CCNL2: variants seen among roughly 807,000 people sequenced by gnomAD.
CCNL2 encodes cyclin-L2.
A neutral mutation model predicts 59.1 loss-of-function variants in CCNL2; 28 were observed. That is an observed-to-expected ratio of 0.47 (90% CI 0.35 to 0.65). The LOEUF (loss-of-function observed/expected upper bound fraction) is 0.65. Ranked by LOEUF, CCNL2 falls within the 30% of genes least tolerant of loss-of-function variation. The pLI is 0.00. For synonymous variants in CCNL2, 342 were observed against 288.6 expected (o/e 1.19, Z -1.88); for missense variants, 714 against 717.4 (o/e 1.00, Z 0.05).
At chr1:1,388,366 C>T (rs1185197433) in intron 8 of CCNL2, 23 of 403,390 alleles carry the variant, frequency 5.7e-5, no homozygotes, top group South Asian at 4.1e-4. Context: ...ACTAAAACTA[C>T]AAAAATTAGC....
chr1:1,385,974 G>GT lies in CCNL2; in HGVS notation c.*1256dup, dbSNP rs1644441913. 6.6e-6 allele frequency: 1 copy of GT among 152,106 alleles called. No homozygotes were observed. Among genetic ancestry groups the GT allele is most frequent in the Admixed American group, 6.5e-5 (1 of 15,270 alleles). The allele number at this position is 152,106 out of a possible 1,614,324, so 9.4% of individuals were successfully genotyped here. A position where few individuals can be genotyped will look rare whatever the true frequency, so the allele number is the denominator to read the frequency against. On this transcript the variant is annotated 3_prime_UTR_variant, in exon 11 of 11. Transcript: ENST00000400809. ...GATTCCATCAAAAAAGTCATCAGGC[G>GT]TAACTCCCCGTTATCCCACTAGCCC...
At position 1,387,350 on chromosome 1, in the gene CCNL2, T is replaced by C; in HGVS notation, c.1444A>G (p.Lys482Glu). The stretch of plus-strand genomic sequence containing the variant: ...TAGTAATGACTTTTCTTCTTGTATT[T>C]TCCCGGATTATCCGCCCGCTCCCGT... Reference protein sequence around the residue: ...RSRERADNPGKYKKKSHYYRD... With the variant: ...RSRERADNPGEYKKKSHYYRD... The change falls in exon 11 of 11, where the codon AAA (lysine) becomes GAA (glutamate). Residue 482 changes from lysine to glutamate, a missense_variant. Lys to Glu is a moderately conservative substitution (Grantham distance 56). Coordinates refer to ENST00000400809, the MANE Select transcript of CCNL2 (RefSeq NM_030937.6). 5.6e-6 allele frequency: 9 copies of C among 1,614,198 alleles called. No individual in the cohort carries two copies. The highest frequency in any genetic ancestry group is 7.6e-6 in the Non-Finnish European group (9 of 1,180,048).
chr1:1,393,426 TCA>T lies in CCNL2; in HGVS notation c.627_628del (p.Cys209Ter). On this transcript the variant is annotated stop_gained and frameshift_variant, in exon 5 of 11. Coordinates refer to ENST00000400809, the MANE Select transcript of CCNL2 (RefSeq NM_030937.6). LOFTEE classifies it high-confidence loss of function. The stretch of plus-strand genomic sequence containing the variant: ...GGTCTGGACCAGGTGTTGGTTACGC[TCA>T]CACTCTAACACCTGAAGGTACATAA... 6.2e-7 allele frequency: 1 copy of T among 1,614,114 alleles called. No individual in the cohort carries two copies. Among genetic ancestry groups the T allele is most frequent in the Non-Finnish European group, 8.5e-7 (1 of 1,179,972 alleles).
Position 1,390,757 on chromosome 1 carries a change from C to T in CCNL2, c.759+9G>A, listed in dbSNP as rs1197717621. The stretch of plus-strand genomic sequence containing the variant: ...GACTAGAATCTCTCCATAGTAGCAA[C>T]ACACTGACCTCCAGCGTCCGGGCAG... On this transcript the variant is annotated intron_variant, in intron 6 of 10. Transcript: ENST00000400809. The T allele has an allele frequency of 3.7e-6, 6 of 1,612,380 alleles. No individual in the cohort carries two copies. The highest frequency in any genetic ancestry group is 5.1e-6 in the Non-Finnish European group (6 of 1,178,508).
intron 3 of CCNL2, among the ~76,000 whole-genome samples, chr1:1,397,560 CCTACAA>C (rs1328361876): frequency 6.6e-6 from 1 of 152,140 alleles, no homozygotes; most frequent in East Asian, 1.9e-4. Context: ...AGGAGAATCC[CCTACAA>C]CTAAAGATTA....
intron 3 of CCNL2, among the ~76,000 whole-genome samples, chr1:1,397,653 G>A (rs1023291509): frequency 2.0e-5 from 3 of 152,136 alleles, no homozygotes; most frequent in Non-Finnish European, 2.9e-5. Context: ...TTGGAGCCCA[G>A]GAATTTGAGA....
At chr1:1,396,377 C>T (rs1645022419) in intron 3 of CCNL2, among the ~76,000 whole-genome samples, 1 of 149,638 alleles carries the variant, frequency 6.7e-6, no homozygotes, top group Non-Finnish European at 1.5e-5. Context: ...AGCAATTCTC[C>T]TGCCTCAGCC....
chr1:1,398,451 GAA>G, intron 2 of CCNL2, 109 bp from the exon 3 acceptor site: 1 of 1,557,976 alleles, frequency 6.4e-7, no homozygotes, highest in Admixed American at 2.0e-5. Context: ...GCACCCAGGG[GAA>G]AAAAAAAGTC....
rs943146985 is a variant in CCNL2, at chr1:1,386,240, G to A, written c.*991C>T. On this transcript the variant is annotated 3_prime_UTR_variant, in exon 11 of 11. Transcript: ENST00000400809. ...CCCCCTCAGGAACGAGAGCACCTTG[G>A]AATCATTCTGTGTTTCCAAAACTTC... is the stretch of plus-strand genomic sequence containing the variant. The A allele has an allele frequency of 1.3e-5, 2 of 152,254 alleles. No homozygotes were observed. Among genetic ancestry groups the A allele is most frequent in the African/African-American group, 4.8e-5 (2 of 41,450 alleles). The allele number at this position is 152,254 out of a possible 1,614,324, so 9.4% of individuals were successfully genotyped here.
At chr1:1,396,602 CAG>C (rs1297389669) in intron 3 of CCNL2, among the ~76,000 whole-genome samples, 11 of 68,880 alleles carry the variant, frequency 1.6e-4, no homozygotes, top group African/African-American at 5.1e-4. Context: ...TTTTTTGAGA[CAG>C]AGTTTCACTT....
chr1:1,391,006 T>C (rs1017277676), intron 5 of CCNL2, 141 bp from the exon 6 acceptor site: 3 of 872,452 alleles, frequency 3.4e-6, no homozygotes, highest in Admixed American at 5.8e-5. Context: ...GACAGTCCTG[T>C]GAATCTCAAG....
At chr1:1,395,711 G>T (rs1401882675) in intron 3 of CCNL2, among the ~76,000 whole-genome samples, 197 bp from the exon 4 acceptor site, 3 of 151,984 alleles carry the variant, frequency 2.0e-5, no homozygotes, top group African/African-American at 7.3e-5. Flanking sequence ...CCTTCCCAAC[G>T]ATCCCTCCCT....
At chr1:1,392,544 A>G in intron 5 of CCNL2, 1 of 1,383,214 alleles carries the variant, frequency 7.2e-7, no homozygotes, top group South Asian at 1.8e-5. Context: ...AGCAGTTTTA[A>G]AGGGACAAAA....
Position 1,395,451 on chromosome 1 carries a change from C to A in CCNL2, c.537G>T (p.Ala179=), listed in dbSNP as rs748075018. ...YVNLKNQIIK[A]ERRVLKELGF... ...CCAACTCTTTGAGAACTCGTCTTTC[C>A]GCCTTTATAATTTGGTTCTTTAAAT... is the stretch of plus-strand genomic sequence containing the variant. Residue 179 remains alanine (A), a synonymous_variant, in exon 4 of 11, where the codon GCG becomes GCT. Transcript: ENST00000400809. The A allele has an allele frequency of 5.6e-6, 9 of 1,614,132 alleles. No individual in the cohort carries two copies. In the South Asian group the frequency reaches 9.9e-5, roughly 18 times the overall value.
intron 8 of CCNL2, chr1:1,388,969 G>A: frequency 1.3e-5 from 3 of 229,590 alleles, no homozygotes; most frequent in Admixed American, 5.6e-5. Flanking sequence ...CAGCTACTTG[G>A]GAGGCTGAGG....
At position 1,396,014 on chromosome 1, in the gene CCNL2, T is replaced by TA. The variant is rs894271993; in HGVS notation, c.474-501dup. 5.3e-5 allele frequency among the ~76,000 whole-genome samples: 8 copies of TA among 151,064 alleles called. No homozygotes were observed. The East Asian group carries it at 1.2e-3, about 22-fold the overall frequency. ...CAACATGGTGAAACCCTGTCTCTAC[T>TA]AAAAAAATGCAAAAATTAGCCGGGC... On this transcript the variant is annotated intron_variant, in intron 3 of 10. Transcript: ENST00000400809.
chr1:1,387,710 G>T, intron 10 of CCNL2, 67 bp downstream of exon 10: 1 of 1,470,440 alleles, frequency 6.8e-7, no homozygotes, highest in Non-Finnish European at 9.3e-7. Flanking sequence ...CTCAGGGTGA[G>T]AATGATTACC....
At position 1,390,351 on chromosome 1, in the gene CCNL2, C is replaced by A; in HGVS notation, c.885G>T (p.Glu295Asp). 6.2e-7 allele frequency: 1 copy of A among 1,613,700 alleles called. No individual in the cohort carries two copies. Among genetic ancestry groups the A allele is most frequent in the Non-Finnish European group, 8.5e-7 (1 of 1,179,652 alleles). Residue 295 changes from glutamate (E) to aspartate (D), a missense_variant, in exon 8 of 11, where the codon GAG becomes GAT. By Grantham distance (45) the Glu-to-Asp change is conservative (BLOSUM62 2). Coordinates refer to ENST00000400809, the MANE Select transcript of CCNL2 (RefSeq NM_030937.6). ...CGTGCTTTCTTTTTTCCACTTCACC[C>A]TCCAGGTGTGTGAGATCAACCTGCA... ...ARKKVDLTHL[E>D]GEVEKRKHAI...
chr1:1,390,586 C>G (rs1644711104), intron 6 of CCNL2, 23 bp from the exon 7 acceptor site: 1 of 1,582,796 alleles, frequency 6.3e-7, no homozygotes, highest in African/African-American at 1.4e-5. Context: ...ACACTATCAT[C>G]ATTACACTTT....
Sources: gnomAD v4.1 joint callset for allele counts (sites outside exome capture counted in the v4.1 genomes callset) on GRCh38, gnomAD v4.1.1 for gene constraint, MANE v1.5 for transcripts, NCBI Gene and HGNC (gene_info 2026-07-23, HGNC 2026-07-21) for gene names.